The following PTPRT variants were observed in gnomAD, a reference collection of about 807,000 sequenced individuals.
PTPRT encodes protein tyrosine phosphatase receptor type T.
In PTPRT, 56 loss-of-function variants were observed where a neutral mutation model predicts 176.8. The observed-to-expected ratio is 0.32, with a 90% CI of 0.26 to 0.40. The LOEUF (loss-of-function observed/expected upper bound fraction) is 0.40, where lower values mean the gene tolerates loss of function less well. Ranked by LOEUF, PTPRT falls within the 10% of genes least tolerant of loss-of-function variation. PTPRT has a pLI of 1.00. For synonymous variants in PTPRT, 783 were observed against 739.0 expected, an observed-to-expected ratio of 1.06 and a Z score of -0.96; for missense variants, 1,540 against 1,908.2, an observed-to-expected ratio of 0.81 and a Z score of 3.60.
the PTPRT span, among the ~76,000 whole-genome samples, chr20:42,033,060 A>C: frequency 6.6e-6 from 1 of 152,108 alleles, no homozygotes; most frequent in Non-Finnish European, 1.5e-5. Flanking sequence ...AGACTAGAAC[A>C]TGTGATGTAT....
At chr20:42,906,660 C>T (rs1227401372) in intron 1 of PTPRT, among the ~76,000 whole-genome samples, 1 of 152,166 alleles carries the variant, frequency 6.6e-6, no homozygotes, top group Non-Finnish European at 1.5e-5. Flanking sequence ...CTACAGCCTA[C>T]CCATCTGCAT....
chr20:42,472,586 C>T, intron 7 of PTPRT, 24 bp from the exon 8 acceptor site: 1 of 1,609,198 alleles, frequency 6.2e-7, no homozygotes, highest in Non-Finnish European at 8.5e-7. Context: ...AGGCAAGAAA[C>T]AAGGGTTCTG....
chr20:42,880,658 T>A (rs1349906386), intron 2 of PTPRT, among the ~76,000 whole-genome samples: 2 of 152,050 alleles, frequency 1.3e-5, no homozygotes, highest in Non-Finnish European at 2.9e-5. Context: ...TAGGAACTGG[T>A]GGTAGCTGTA....
intron 8 of PTPRT, among the ~76,000 whole-genome samples, chr20:42,468,933 C>A (rs2071145784): frequency 6.6e-6 from 1 of 152,154 alleles, no homozygotes; most frequent in Admixed American, 6.5e-5. Flanking sequence ...AAGCACACTG[C>A]CACTTTTTGA....
chr20:42,307,717 A>T (rs896908070), intron 12 of PTPRT, among the ~76,000 whole-genome samples: 3 of 152,202 alleles, frequency 2.0e-5, no homozygotes, highest in African/African-American at 7.2e-5. Flanking sequence ...AAACTGTCAG[A>T]GACCTTTGAA....
chr20:42,291,618 A>G (rs1156342035), intron 12 of PTPRT, among the ~76,000 whole-genome samples: 2 of 152,084 alleles, frequency 1.3e-5, no homozygotes, highest in African/African-American at 2.4e-5. Flanking sequence ...TTTTAGAAAG[A>G]CCATTTAACC....
At chr20:43,083,351 T>TATATATATATATATATATATATATACAC (rs2011511581) in intron 1 of PTPRT, among the ~76,000 whole-genome samples, 1 of 114,318 alleles carries the variant, frequency 8.7e-6, no homozygotes, top group African/African-American at 3.4e-5. Context: ...TATATATATA[T>TATATATATATATATATATATATATACAC]ATATATATAT....
chr20:42,179,590 A>G (rs1323267171), intron 16 of PTPRT, among the ~76,000 whole-genome samples: 1 of 152,232 alleles, frequency 6.6e-6, no homozygotes, highest in African/African-American at 2.4e-5. Context: ...TGAATTTGCT[A>G]AACAATGGCC....
At chr20:42,161,665 GA>G in intron 16 of PTPRT, 123 bp from the exon 17 acceptor site, 1 of 889,840 alleles carries the variant, frequency 1.1e-6, no homozygotes, top group Non-Finnish European at 1.7e-6. Context: ...AACTGATAGG[GA>G]AACTGCAAAA....
At chr20:42,309,836 C>T (rs1343169571) in intron 12 of PTPRT, among the ~76,000 whole-genome samples, 1 of 152,138 alleles carries the variant, frequency 6.6e-6, no homozygotes, top group Non-Finnish European at 1.5e-5. Context: ...AACCACAATT[C>T]ATCACTCTTG....
chr20:42,350,743 CA>C lies in PTPRT; in HGVS notation c.1763-14del. ...GGCATGGATGGAGCTGGACAGGAAA[CA>C]GAGAGTGCAGGTGAGTTCAGCACAG... On this transcript the variant is annotated splice_polypyrimidine_tract_variant and intron_variant, in intron 10 of 30. Coordinates refer to ENST00000373187, the MANE Select transcript of PTPRT (RefSeq NM_007050.6). 6.3e-7 allele frequency: 1 copy of C among 1,586,164 alleles called. No homozygotes were observed. Among genetic ancestry groups the C allele is most frequent in the South Asian group, 1.1e-5 (1 of 90,476 alleles).
At chr20:42,700,232 C>T (rs377129158) in intron 6 of PTPRT, among the ~76,000 whole-genome samples, 3 of 152,268 alleles carry the variant, frequency 2.0e-5, no homozygotes, top group Admixed American at 1.3e-4. Context: ...GAGAAGCCCA[C>T]GGAAGTCACC....
At chr20:43,103,314 C>T (rs1171436329) in intron 1 of PTPRT, among the ~76,000 whole-genome samples, 2 of 152,172 alleles carry the variant, frequency 1.3e-5, no homozygotes, top group Non-Finnish European at 2.9e-5. Flanking sequence ...TTCGGTCAGA[C>T]AACTGGCCCT....
At chr20:42,857,629 A>G (rs2078588876) in intron 2 of PTPRT, among the ~76,000 whole-genome samples, 1 of 152,082 alleles carries the variant, frequency 6.6e-6, no homozygotes, top group African/African-American at 2.4e-5. Context: ...GTGAAATCCT[A>G]TTAGGATAAT....
chr20:42,798,105 G>A lies in PTPRT; in HGVS notation c.215-6639C>T, dbSNP rs376327203. Among the ~76,000 whole-genome samples, 13 of 152,260 alleles carry A rather than the reference G, an allele frequency of 8.5e-5. No homozygotes were observed. In the East Asian group the frequency reaches 1.2e-3, roughly 14 times the overall value. ...CGCATGTCCCTGCTGCTAGGCTTTT[G>A]CCCAGGTGATACCCTTCCTGAAATC... On this transcript the variant is annotated intron_variant, in intron 2 of 30. Coordinates refer to ENST00000373187, the MANE Select transcript of PTPRT (RefSeq NM_007050.6).
At chr20:42,378,210 T>C (rs771567704) in intron 9 of PTPRT, among the ~76,000 whole-genome samples, 1 of 152,214 alleles carries the variant, frequency 6.6e-6, no homozygotes, top group Non-Finnish European at 1.5e-5. Flanking sequence ...TTGCTCAGCA[T>C]TGCATTCCTG....
intron 11 of PTPRT, among the ~76,000 whole-genome samples, chr20:42,334,814 T>A (rs1240714790): frequency 6.6e-6 from 1 of 152,254 alleles, no homozygotes; most frequent in African/African-American, 2.4e-5. Context: ...ACGATAATAA[T>A]GCCTCCATCA....
chr20:42,813,710 G>A (rs1007793642), intron 2 of PTPRT, among the ~76,000 whole-genome samples: 2 of 152,102 alleles, frequency 1.3e-5, no homozygotes, highest in African/African-American at 4.8e-5. Context: ...TGAGCCTAAT[G>A]AAACAGTGAG....
intron 7 of PTPRT, among the ~76,000 whole-genome samples, chr20:42,627,768 A>T (rs59263549): frequency 3.3e-5 from 5 of 151,806 alleles, no homozygotes; most frequent in Admixed American, 6.6e-5. Flanking sequence ...TTTTTTTTAA[A>T]AAAAGCTTCT....
Sources: allele counts gnomAD v4.1 joint callset (sites outside exome capture counted in the v4.1 genomes callset), GRCh38; gene constraint gnomAD v4.1.1; transcripts MANE v1.5; gene names NCBI Gene and HGNC (gene_info 2026-07-23, HGNC 2026-07-21).